Variants in PCDHA1 observed in about 807,000 individuals in gnomAD.
PCDHA1 encodes protocadherin alpha 1, also known as protocadherin alpha-1.
A neutral mutation model predicts 61.3 loss-of-function variants in PCDHA1; 42 were observed. That is an observed-to-expected ratio of 0.69 (90% CI 0.54 to 0.89). The LOEUF (loss-of-function observed/expected upper bound fraction) is 0.89. Among genes scored for constraint, PCDHA1 ranks in the 40% least tolerant of loss-of-function variants. The pLI, the probability that PCDHA1 is intolerant of heterozygous loss-of-function variation, is 0.00. For synonymous variants in PCDHA1, 610 were observed against 553.8 expected (o/e 1.10, Z -1.43); for missense variants, 1,256 against 1,235.3 (o/e 1.02, Z -0.25).
At chr5:140,884,376 C>T (rs1554181489) in intron 1 of PCDHA1, 2 of 1,613,982 alleles carry the variant, frequency 1.2e-6, no homozygotes, top group Non-Finnish European at 1.7e-6. Context: ...TTGATCATTG[C>T]CATCTGCGCG....
chr5:140,968,285 T>A, intron 1 of PCDHA1: 1 of 1,614,006 alleles, frequency 6.2e-7, no homozygotes, highest in Non-Finnish European at 8.5e-7. Flanking sequence ...GGTGACCTAC[T>A]CCCTTCTGGA....
Position 140,858,389 on chromosome 5 carries a change from G to A in PCDHA1, c.2394+69705G>A. The A allele has an allele frequency of 1.3e-6, 2 of 1,580,024 alleles. 1 individual carries two copies. Among genetic ancestry groups the A allele is most frequent in the Non-Finnish European group, 1.7e-6 (2 of 1,156,144 alleles). On this transcript the variant is annotated intron_variant, in intron 1 of 3. Transcript: ENST00000504120. ...CAGCCTTCCACCATGCCCAATGGTA[G>A]ATGTGGACGGGGAAGATCAGTCTAT...
intron 1 of PCDHA1, chr5:140,926,715 G>C (rs114961630): frequency 2.1e-6 from 2 of 952,238 alleles, no homozygotes; most frequent in Non-Finnish European, 1.4e-6. Flanking sequence ...GGCCAGCCCC[G>C]GCAATGCCGG....
At chr5:140,794,191 G>C (rs1761839036) in intron 1 of PCDHA1, among the ~76,000 whole-genome samples, 3 of 152,148 alleles carry the variant, frequency 2.0e-5, no homozygotes, top group Non-Finnish European at 4.4e-5. Context: ...GCCTTAAAAA[G>C]GAAAGAAGTC....
chr5:140,869,123 G>A, intron 1 of PCDHA1: 1 of 1,608,454 alleles, frequency 6.2e-7, no homozygotes, highest in South Asian at 1.1e-5. Flanking sequence ...TTTCAGAGAA[G>A]GGGATTGGGC....
chr5:140,894,096 C>T (rs1487747692), intron 1 of PCDHA1, among the ~76,000 whole-genome samples: 3 of 152,098 alleles, frequency 2.0e-5, no homozygotes, highest in African/African-American at 7.2e-5. Flanking sequence ...TCTTCTAGCT[C>T]CTGGTGTTGC....
chr5:140,907,864 G>T (rs1033952784), intron 1 of PCDHA1, among the ~76,000 whole-genome samples: 1 of 152,202 alleles, frequency 6.6e-6, no homozygotes, highest in Non-Finnish European at 1.5e-5. Context: ...GAGGCCAGCC[G>T]TTGGTGAGCA....
rs75101825 is a variant in PCDHA1, at chr5:140,914,430, C to A, written c.2395-64519C>A. On this transcript the variant is annotated intron_variant, in intron 1 of 3. Coordinates refer to ENST00000504120, the MANE Select transcript of PCDHA1 (RefSeq NM_018900.4). ...TTTTGTTTCCATTAGCAAGGAATAT[C>A]TTTTCCCATGTCTTTATTTTCCAGT... Among the ~76,000 whole-genome samples the A allele has an allele frequency of 8.0e-3, 1,215 of 152,204 alleles. 6 individuals carry two copies. Among genetic ancestry groups the A allele is most frequent in the African/African-American group, 0.019 (784 of 41,536 alleles).
chr5:141,009,852 A>G lies in PCDHA1; in HGVS notation c.2768A>G (p.Lys923Arg), dbSNP rs1554262492. The G allele has an allele frequency of 6.2e-7, 1 of 1,614,074 alleles. No homozygotes were observed. Among genetic ancestry groups the G allele is most frequent in the East Asian group, 2.2e-5 (1 of 44,874 alleles). ...FITFGKKEET[K>R]KKKKKKKGNK... ...ACCTTCGGCAAAAAGGAGGAGACCA[A>G]GAAAAAGAAGAAAAAGAAGAAGGGT... Residue 923 changes from lysine (K) to arginine (R), a missense_variant, in exon 4 of 4, where the codon AAG becomes AGG. Physicochemically the swap from Lys to Arg is conservative, Grantham distance 26. Coordinates refer to ENST00000504120, the MANE Select transcript of PCDHA1 (RefSeq NM_018900.4).
chr5:140,788,210 T>A lies in PCDHA1; in HGVS notation c.1920T>A (p.Ala640=). The change falls in exon 1 of 4, where the codon GCT becomes GCA. Residue 640 remains alanine, a synonymous_variant. Transcript: ENST00000504120. ...EISTTRVLDE[A]DLSRYRLLVL... ...GCACGACTCGTGTCCTGGACGAGGCTGACTTGTCGCGCTACCGCCTTCTGG... is the reference window on the plus strand; with the variant it reads ...GCACGACTCGTGTCCTGGACGAGGCAGACTTGTCGCGCTACCGCCTTCTGG... 1 of 1,614,062 alleles carries A rather than the reference T, an allele frequency of 6.2e-7. No individual in the cohort carries two copies. Among genetic ancestry groups the A allele is most frequent in the African/African-American group, 1.3e-5 (1 of 75,066 alleles).
At chr5:140,838,415 C>T (rs950312767) in intron 1 of PCDHA1, among the ~76,000 whole-genome samples, 1 of 151,548 alleles carries the variant, frequency 6.6e-6, no homozygotes, top group African/African-American at 2.4e-5. Flanking sequence ...TGAGCCACCG[C>T]ATCCGGCCTA....
intron 1 of PCDHA1, chr5:140,831,085 G>C (rs1771371659): frequency 6.6e-6 from 1 of 152,106 alleles, no homozygotes; most frequent in African/African-American, 2.4e-5. Flanking sequence ...AGGAATAAAG[G>C]ACAAAAACAA....
intron 1 of PCDHA1, chr5:140,851,534 A>G: frequency 1.1e-6 from 1 of 902,820 alleles, no homozygotes; most frequent in Non-Finnish European, 1.4e-6. Flanking sequence ...CTGACAATGT[A>G]GATAATTCAA....
At chr5:140,940,199 A>G (rs1253658459) in intron 1 of PCDHA1, among the ~76,000 whole-genome samples, 2 of 152,136 alleles carry the variant, frequency 1.3e-5, no homozygotes, top group Non-Finnish European at 2.9e-5. Flanking sequence ...CATGGGTGTA[A>G]AATTCAAGAT....
At chr5:140,826,923 T>C (rs944702059) in intron 1 of PCDHA1, among the ~76,000 whole-genome samples, 3 of 152,076 alleles carry the variant, frequency 2.0e-5, no homozygotes, top group Non-Finnish European at 4.4e-5. Context: ...GAAAGACAGA[T>C]GGACTTAGGT....
chr5:140,836,277 A>G (rs1774327794), intron 1 of PCDHA1: 1 of 1,613,670 alleles, frequency 6.2e-7, no homozygotes, highest in Non-Finnish European at 8.5e-7. Context: ...TGGTGAGATC[A>G]GCACGACACG....
intron 2 of PCDHA1, 171 bp downstream of exon 2, chr5:140,979,178 G>T: frequency 1.1e-6 from 1 of 944,140 alleles, no homozygotes; most frequent in Non-Finnish European, 1.3e-6. Flanking sequence ...GATCGCAAAT[G>T]GTCAGTGCCA....
chr5:140,897,975 C>T (rs2066435180), intron 1 of PCDHA1, among the ~76,000 whole-genome samples: 1 of 152,228 alleles, frequency 6.6e-6, no homozygotes. Context: ...CTTTTGGCTG[C>T]ATAAATGTCT....
chr5:140,796,004 C>A (rs782767651), intron 1 of PCDHA1: 1 of 1,614,148 alleles, frequency 6.2e-7, no homozygotes, highest in Non-Finnish European at 8.5e-7. Context: ...AATGATAACA[C>A]ACCAGAAGTC....
Sources: allele counts gnomAD v4.1 joint callset (sites outside exome capture counted in the v4.1 genomes callset), GRCh38; gene constraint gnomAD v4.1.1; transcripts MANE v1.5; gene names NCBI Gene and HGNC (gene_info 2026-07-23, HGNC 2026-07-21).